RANBP17: variants seen among roughly 807,000 people sequenced by gnomAD.
The protein encoded by RANBP17 is RAN binding protein 17.
In RANBP17, 158 loss-of-function variants were observed where a neutral mutation model predicts 141.2. The observed-to-expected ratio is 1.12, with a 90% CI of 0.98 to 1.28. The LOEUF (loss-of-function observed/expected upper bound fraction) is 1.28, where lower values mean the gene tolerates loss of function less well. Ranked by LOEUF, RANBP17 falls within the 50% of genes most tolerant of loss-of-function variation. The pLI is 0.00. For synonymous variants in RANBP17, 430 were observed against 450.0 expected (o/e 0.96, Z 0.56); for missense variants, 1,438 against 1,290.7 (o/e 1.11, Z -1.75).
chr5:171,270,554 A>C (rs566662921), intron 25 of RANBP17, among the ~76,000 whole-genome samples: 117 of 152,314 alleles, frequency 7.7e-4, no homozygotes, highest in Non-Finnish European at 1.5e-3. Context: ...TTCGGAAGAC[A>C]ACATTTCTAT....
At chr5:171,088,921 G>A (rs1215041021) in intron 14 of RANBP17, among the ~76,000 whole-genome samples, 1 of 151,824 alleles carries the variant, frequency 6.6e-6, no homozygotes, top group Non-Finnish European at 1.5e-5. Flanking sequence ...TCCTCCTGTA[G>A]CTCAGAGTAA....
intron 14 of RANBP17, among the ~76,000 whole-genome samples, chr5:171,156,440 A>G (rs1418708569): frequency 6.6e-6 from 1 of 152,142 alleles, no homozygotes; most frequent in Non-Finnish European, 1.5e-5. Context: ...TAAATTTTGG[A>G]GTATTTTTGT....
chr5:170,977,540 C>G (rs1398386963), intron 14 of RANBP17, among the ~76,000 whole-genome samples: 1 of 151,958 alleles, frequency 6.6e-6, no homozygotes, highest in East Asian at 1.9e-4. Flanking sequence ...AACATTTGCA[C>G]ACATGTTCAC....
intron 24 of RANBP17, among the ~76,000 whole-genome samples, chr5:171,261,282 C>A (rs926129135): frequency 2.0e-5 from 3 of 152,070 alleles, no homozygotes; most frequent in African/African-American, 7.2e-5. Flanking sequence ...TCACATTTTA[C>A]AGAGGTGCAC....
In RANBP17 at chr5:171,293,620, A is replaced by G. The variant is rs1768638205; in HGVS notation, c.2944-263A>G. On this transcript the variant is annotated intron_variant, in intron 25 of 27. Coordinates refer to ENST00000523189, the MANE Select transcript of RANBP17 (RefSeq NM_022897.5). ...AGGGACTGATCATCTTGGCCCAGTG[A>G]CCTCTTGACTTATGCCCATCTGGAA... 2.0e-5 allele frequency among the ~76,000 whole-genome samples: 3 copies of G among 152,118 alleles called. No homozygotes were observed. The South Asian group carries it at 6.2e-4, about 32-fold the overall frequency.
At chr5:171,251,251 G>C (rs1272274571) in intron 24 of RANBP17, among the ~76,000 whole-genome samples, 1 of 151,984 alleles carries the variant, frequency 6.6e-6, no homozygotes, top group African/African-American at 2.4e-5. Context: ...ACCATGCCCA[G>C]CTTTTTTTTT....
At chr5:171,229,713 C>T (rs972357106) in intron 22 of RANBP17, among the ~76,000 whole-genome samples, 1 of 140,230 alleles carries the variant, frequency 7.1e-6, no homozygotes, top group East Asian at 2.3e-4. Flanking sequence ...GCTGTTAATA[C>T]GTTTCTGATG....
intron 20 of RANBP17, among the ~76,000 whole-genome samples, chr5:171,209,964 G>A (rs552569713): frequency 1.5e-4 from 23 of 151,744 alleles, no homozygotes; most frequent in South Asian, 1.0e-3. Context: ...ACAGACGGAC[G>A]GATGGATGGA....
At chr5:170,884,752 T>C (rs539021598) in intron 3 of RANBP17, among the ~76,000 whole-genome samples, 1 of 152,268 alleles carries the variant, frequency 6.6e-6, no homozygotes, top group South Asian at 2.1e-4. Flanking sequence ...GTGCCCTGTA[T>C]CATAGAAAGG....
intron 18 of RANBP17, among the ~76,000 whole-genome samples, chr5:171,184,415 G>A (rs182992771): frequency 6.6e-6 from 1 of 152,304 alleles, no homozygotes; most frequent in East Asian, 1.9e-4. Context: ...TCACTCATAT[G>A]TGAAATCTAA....
At chr5:171,270,589 T>C (rs945261071) in intron 25 of RANBP17, among the ~76,000 whole-genome samples, 1 of 152,176 alleles carries the variant, frequency 6.6e-6, no homozygotes, top group African/African-American at 2.4e-5. Context: ...GTTTCGTCAC[T>C]GATCAGTAAG....
rs1423548457 is a variant in RANBP17, at chr5:170,916,469, T to G, written c.839T>G (p.Leu280Arg). The G allele has an allele frequency of 6.5e-7, 1 of 1,543,966 alleles. No homozygotes were observed. The highest frequency in any genetic ancestry group is 8.8e-7 in the Non-Finnish European group (1 of 1,142,662). ...AATTTTTTTGGTATTTTTTAGGCAC[T>G]TTCATGTTTAGTTCAGTTTGCTTCG... ...SLPPLLSQLALSCLVQFASTR... is the reference protein window; with the variant it reads ...SLPPLLSQLARSCLVQFASTR... Residue 280 changes from leucine to arginine, a missense_variant, in exon 9 of 28, where the codon CTT becomes CGT. Leu to Arg is a moderately radical substitution (Grantham distance 102, BLOSUM62 -2). Coordinates refer to ENST00000523189, the MANE Select transcript of RANBP17 (RefSeq NM_022897.5).
chr5:171,209,475 A>G (rs1370106680), intron 20 of RANBP17, among the ~76,000 whole-genome samples: 3 of 152,174 alleles, frequency 2.0e-5, no homozygotes, highest in Admixed American at 2.0e-4. Flanking sequence ...CTGAAAATTC[A>G]CTGTTCAGCA....
intron 14 of RANBP17, among the ~76,000 whole-genome samples, chr5:171,025,689 G>T (rs1581431511): frequency 6.6e-6 from 1 of 151,112 alleles, no homozygotes; most frequent in South Asian, 2.1e-4. Flanking sequence ...AATTCTCTGT[G>T]CCAAAGCCTC....
chr5:171,126,418 A>G (rs1275337851), intron 14 of RANBP17, among the ~76,000 whole-genome samples: 1 of 152,218 alleles, frequency 6.6e-6, no homozygotes, highest in Non-Finnish European at 1.5e-5. Context: ...GGAACTAGAA[A>G]AATAAGAACA....
chr5:171,274,302 T>C (rs1002388588), intron 25 of RANBP17, among the ~76,000 whole-genome samples: 1 of 152,132 alleles, frequency 6.6e-6, no homozygotes, highest in Non-Finnish European at 1.5e-5. Flanking sequence ...GACCATTGCC[T>C]CAAGAGATCC....
intron 24 of RANBP17, chr5:171,252,776 T>C: frequency 7.8e-7 from 1 of 1,285,848 alleles, no homozygotes; most frequent in Non-Finnish European, 1.1e-6. Flanking sequence ...TATGAAAGTG[T>C]GGAGGGTGTG....
At chr5:170,950,692 A>G (rs1443699817) in intron 12 of RANBP17, among the ~76,000 whole-genome samples, 1 of 152,182 alleles carries the variant, frequency 6.6e-6, no homozygotes, top group African/African-American at 2.4e-5. Context: ...AAAATGAAAA[A>G]TAGAACTACC....
intron 14 of RANBP17, among the ~76,000 whole-genome samples, chr5:171,145,740 C>T (rs1346506886): frequency 6.6e-6 from 1 of 152,114 alleles, no homozygotes; most frequent in African/African-American, 2.4e-5. Flanking sequence ...TGTCATGTCT[C>T]GTCTCCTGGA....
Sources: gnomAD v4.1 joint callset for allele counts (sites outside exome capture counted in the v4.1 genomes callset) on GRCh38, gnomAD v4.1.1 for gene constraint, MANE v1.5 for transcripts, NCBI Gene and HGNC (gene_info 2026-07-23, HGNC 2026-07-21) for gene names.